The following TMCO2 variants were observed in gnomAD, a reference collection of about 807,000 sequenced individuals.
TMCO2 encodes the protein transmembrane and coiled-coil domain-containing protein 2.
TMCO2 carries 15 observed loss-of-function variants against 18.0 expected under a neutral mutation model. The observed-to-expected ratio is 0.84, with a 90% confidence interval of 0.56 to 1.29. The LOEUF (loss-of-function observed/expected upper bound fraction) is 1.29, where lower values mean the gene tolerates loss of function less well. Ranked by LOEUF, TMCO2 falls within the 50% of genes most tolerant of loss-of-function variation. The pLI, the probability that TMCO2 is intolerant of heterozygous loss-of-function variation, is 0.00. For synonymous variants in TMCO2, 79 were observed against 75.9 expected, an observed-to-expected ratio of 1.04 and a Z score of -0.21; for missense variants, 182 against 200.9, an observed-to-expected ratio of 0.91 and a Z score of 0.57.
intron 1 of TMCO2, among the ~76,000 whole-genome samples, chr1:40,251,047 G>C (rs1467586684): frequency 6.7e-6 from 1 of 148,666 alleles, no homozygotes; most frequent in African/African-American, 2.5e-5. Context: ...TGAGGCAGGA[G>C]AATGGCGTGA....
Position 40,251,367 on chromosome 1 carries a change from G to A in TMCO2, c.322G>A (p.Gly108Arg), listed in dbSNP as rs200876831. The change falls in exon 2 of 2, where the codon GGA (glycine) becomes AGA (arginine). Residue 108 changes from glycine to arginine, a missense_variant. Gly to Arg is a moderately radical substitution (Grantham distance 125, BLOSUM62 -2). Transcript: ENST00000372766. ...TGAGGCTTTGCTAGCCAACCCAGAA[G>A]GAAGTGGTCTCCGAATTCAAGACAA... Reference protein sequence around the residue: ...IFEALLANPEGSGLRIQDNNN... With the variant: ...IFEALLANPERSGLRIQDNNN... The A allele has an allele frequency of 1.2e-6, 2 of 1,614,104 alleles. No homozygotes were observed. The highest frequency in any genetic ancestry group is 1.7e-6 in the Non-Finnish European group (2 of 1,180,034).
Position 40,248,123 on chromosome 1 carries a change from T to G in TMCO2, c.130T>G (p.Leu44Val). 1.2e-6 allele frequency: 2 copies of G among 1,614,252 alleles called. No homozygotes were observed. Among genetic ancestry groups the G allele is most frequent in the Middle Eastern group, 1.6e-4 (1 of 6,062 alleles). The change falls in exon 1 of 2, where the codon TTA becomes GTA. Residue 44 changes from leucine (L) to valine (V), a missense_variant. Transcript: ENST00000372766. ...SAPQQTSLGL[L>V]DNLAPAVQII... ...ACCTCAGCAAACAAGTTTGGGACTA[T>G]TAGATAATCTTGCTCCAGCTGTGCA... is the stretch of plus-strand genomic sequence containing the variant.
Position 40,251,480 on chromosome 1 carries a change from G to C in TMCO2, c.435G>C (p.Gly145=), listed in dbSNP as rs752848745. Residue 145 remains glycine, a synonymous_variant, in exon 2 of 2, where the codon GGG becomes GGC. Transcript: ENST00000372766. The stretch of plus-strand genomic sequence containing the variant: ...AAAACAAAATGAAGAACCTAGAAGG[G>C]ATAATCGTTGCTCAAAAACCTGCCA... The part of the protein sequence containing the change: ...TVENKMKNLE[G]IIVAQKPATK... The C allele has an allele frequency of 5.0e-6, 8 of 1,613,832 alleles. No individual in the cohort carries two copies. The South Asian group carries it at 8.8e-5, about 18-fold the overall frequency.
In TMCO2 at chr1:40,251,421, C is replaced by A; in HGVS notation, c.376C>A (p.Gln126Lys). Residue 126 changes from glutamine to lysine, a missense_variant, in exon 2 of 2, where the codon CAA becomes AAA. Gln to Lys is a moderately conservative substitution (Grantham distance 53, BLOSUM62 1). Coordinates refer to ENST00000372766, the MANE Select transcript of TMCO2 (RefSeq NM_001008740.4). ...NNNLFLSLGL[Q>K]EKILKKLKTV... ...TAATCTTTTCCTGTCCTTGGGTCTG[C>A]AAGAGAAAATTTTGAAAAAACTTAA... 1 of 1,613,902 alleles carries A rather than the reference C, an allele frequency of 6.2e-7. No homozygotes were observed.
At chr1:40,249,558 G>A (rs565564350) in intron 1 of TMCO2, among the ~76,000 whole-genome samples, 5 of 149,482 alleles carry the variant, frequency 3.3e-5, no homozygotes, top group Admixed American at 2.0e-4. Flanking sequence ...CAGCCTGGGC[G>A]ACAAAGACTG....
intron 1 of TMCO2, among the ~76,000 whole-genome samples, chr1:40,249,173 A>G (rs1307436061): frequency 6.6e-6 from 1 of 151,850 alleles, no homozygotes; most frequent in Non-Finnish European, 1.5e-5. Context: ...TGGAGTTTGA[A>G]TCGAATTTTT....
intron 1 of TMCO2, among the ~76,000 whole-genome samples, chr1:40,249,361 A>G (rs1388260857): frequency 6.6e-6 from 1 of 151,662 alleles, no homozygotes; most frequent in East Asian, 1.9e-4. Context: ...GTATGTGTAA[A>G]TCTTAGCACA....
chr1:40,249,302 T>TGTACGC (rs1553178283), intron 1 of TMCO2, among the ~76,000 whole-genome samples: 10 of 137,542 alleles, frequency 7.3e-5, no homozygotes, highest in Non-Finnish European at 1.3e-4. Flanking sequence ...TGTGTGTGTG[T>TGTACGC]ACGCGCATGC....
chr1:40,248,669 A>G (rs539557506), intron 1 of TMCO2, among the ~76,000 whole-genome samples: 2 of 152,346 alleles, frequency 1.3e-5, no homozygotes, highest in South Asian at 4.1e-4. Context: ...TGTTTTGACA[A>G]GATAAGGCTC....
chr1:40,250,913 G>A (rs1643378154), intron 1 of TMCO2, among the ~76,000 whole-genome samples: 3 of 152,140 alleles, frequency 2.0e-5, no homozygotes, highest in Admixed American at 6.5e-5. Context: ...CACGATGGGC[G>A]GATCACGAGG....
rs1643385191 is a variant in TMCO2 at position 40,251,578 on chromosome 1, T to G, written c.533T>G (p.Phe178Cys). Residue 178 changes from phenylalanine to cysteine, a missense_variant, in exon 2 of 2, where the codon TTT becomes TGT. Transcript: ENST00000372766. ...CAGAGTCCCTTGTCCACATCAGGGT[T>G]TACTTCCCCCATTTGAAATGTGATG... Reference protein sequence around the residue: ...DCQSPLSTSGFTSPI With the variant: ...DCQSPLSTSGCTSPI The G allele has an allele frequency of 6.2e-7, 1 of 1,604,384 alleles. No homozygotes were observed. Among genetic ancestry groups the G allele is most frequent in the African/African-American group, 1.3e-5 (1 of 74,194 alleles).
At chr1:40,249,255 ATGTGTGTGTGTGTGTGTGTGTGTG>A (rs3075101) in intron 1 of TMCO2, among the ~76,000 whole-genome samples, 5 of 139,934 alleles carry the variant, frequency 3.6e-5, no homozygotes, top group East Asian at 2.2e-4. Context: ...TTGAACAGGA[ATGTGTGTGTGTGTGTGTGTGTGTG>A]TGTGTGTGTG....
chr1:40,248,119 A>G lies in TMCO2; in HGVS notation c.126A>G (p.Gly42=). The part of the protein sequence containing the change: ...ETSAPQQTSL[G]LLDNLAPAVQ... ...GTGCACCTCAGCAAACAAGTTTGGG[A>G]CTATTAGATAATCTTGCTCCAGCTG... The change falls in exon 1 of 2, where the codon GGA becomes GGG. Residue 42 remains glycine (G), a synonymous_variant. Coordinates refer to ENST00000372766, the MANE Select transcript of TMCO2 (RefSeq NM_001008740.4). The G allele has an allele frequency of 6.2e-7, 1 of 1,614,198 alleles. No homozygotes were observed.
Position 40,248,388 on chromosome 1 carries a change from C to G in TMCO2, c.237+158C>G, listed in dbSNP as rs548524370. ...AAACTAGGTTATCCTTGAAAATCTC[C>G]ACCAATTAGGCTTTGGGCATAAAAA... On this transcript the variant is annotated intron_variant, in intron 1 of 1. Transcript: ENST00000372766. Among the ~76,000 whole-genome samples, 7 of 152,296 alleles carry G rather than the reference C, an allele frequency of 4.6e-5. No individual in the cohort carries two copies. The South Asian group carries it at 1.5e-3, about 32-fold the overall frequency.
rs1365543082 is a variant in TMCO2 at position 40,248,243 on chromosome 1, T to C, written c.237+13T>C. 2 of 1,588,728 alleles carry C rather than the reference T, an allele frequency of 1.3e-6. No individual in the cohort carries two copies. Among genetic ancestry groups the C allele is most frequent in the Middle Eastern group, 1.7e-4 (1 of 5,808 alleles). On this transcript the variant is annotated intron_variant, in intron 1 of 1. Coordinates refer to ENST00000372766, the MANE Select transcript of TMCO2 (RefSeq NM_001008740.4). ...TCAGTCAATTCAGGTTATACTCTTT[T>C]GTTACAAACATTTATATAGTTATAA...
At position 40,248,085 on chromosome 1, in the gene TMCO2, G is replaced by A; in HGVS notation, c.92G>A (p.Gly31Glu). 1.2e-6 allele frequency: 2 copies of A among 1,614,178 alleles called. No individual in the cohort carries two copies. Among genetic ancestry groups the A allele is most frequent in the Non-Finnish European group, 1.7e-6 (2 of 1,180,038 alleles). ...VWNWIQASFL[G>E]ETSAPQQTSL... is the part of the protein sequence containing the mutation. ...AATTGGATACAAGCAAGTTTTTTGG[G>A]AGAGACTAGTGCACCTCAGCAAACA... Residue 31 changes from glycine to glutamate, a missense_variant, in exon 1 of 2, where the codon GGA becomes GAA. Transcript: ENST00000372766.
Position 40,249,973 on chromosome 1 carries a change from C to G in TMCO2, c.238-1310C>G, listed in dbSNP as rs57440228. 6.6e-3 allele frequency among the ~76,000 whole-genome samples: 997 copies of G among 151,546 alleles called. 15 individuals carry two copies. Among genetic ancestry groups the G allele is most frequent in the African/African-American group, 0.023 (962 of 41,016 alleles). ...TACAGGCATGAGCCACCGTGCCCAG[C>G]ATATGCTTTATTTTTATTTTTTATT... On this transcript the variant is annotated intron_variant, in intron 1 of 1. Transcript: ENST00000372766.
chr1:40,249,534 G>A (rs1207406606), intron 1 of TMCO2, among the ~76,000 whole-genome samples: 7 of 150,468 alleles, frequency 4.7e-5, no homozygotes, highest in Non-Finnish European at 7.4e-5. Flanking sequence ...AGCCAAGATC[G>A]TGCCACTGCA....
chr1:40,251,342 T>G lies in TMCO2; in HGVS notation c.297T>G (p.Phe99Leu), dbSNP rs2124569800. The change falls in exon 2 of 2, where the codon TTT becomes TTG. Residue 99 changes from phenylalanine (F) to leucine (L), a missense_variant. Coordinates refer to ENST00000372766, the MANE Select transcript of TMCO2 (RefSeq NM_001008740.4). ...YKLYKKGSHI[F>L]EALLANPEGS... ...TTTACAAGAAGGGCTCACATATTTTTGAGGCTTTGCTAGCCAACCCAGAAG... is the reference window on the plus strand; with the variant it reads ...TTTACAAGAAGGGCTCACATATTTTGGAGGCTTTGCTAGCCAACCCAGAAG... 6.2e-7 allele frequency: 1 copy of G among 1,613,846 alleles called. No individual in the cohort carries two copies. Among genetic ancestry groups the G allele is most frequent in the South Asian group, 1.1e-5 (1 of 90,954 alleles).
Sources: allele counts gnomAD v4.1 joint callset (sites outside exome capture counted in the v4.1 genomes callset), GRCh38; gene constraint gnomAD v4.1.1; transcripts MANE v1.5; gene names NCBI Gene and HGNC (gene_info 2026-07-23, HGNC 2026-07-21).